Variants in QRICH2 observed in about 807,000 individuals in gnomAD.
QRICH2 encodes the protein glutamine-rich protein 2.
A neutral mutation model predicts 168.3 loss-of-function variants in QRICH2; 119 were observed. The ratio of observed to expected loss-of-function variants is 0.71; its 90% CI spans 0.61 to 0.82. The LOEUF (loss-of-function observed/expected upper bound fraction) is 0.82, where lower values mean the gene tolerates loss of function less well. Among genes scored for constraint, QRICH2 ranks in the 40% least tolerant of loss-of-function variants. The pLI is 0.00. For missense variants in QRICH2, 2,241 were observed against 2,491.6 expected, an observed-to-expected ratio of 0.90 and a Z score of 2.14; for synonymous variants, 894 against 951.2, an observed-to-expected ratio of 0.94 and a Z score of 1.11.
intron 3 of QRICH2, 31 bp from the exon 4 acceptor site, chr17:76,294,052 C>T (rs2071064907): frequency 6.4e-7 from 1 of 1,558,968 alleles, no homozygotes; most frequent in African/African-American, 1.4e-5. Context: ...AAATCAATAA[C>T]AGTCAAAATA....
intron 3 of QRICH2, among the ~76,000 whole-genome samples, chr17:76,299,278 A>T (rs1191302408): frequency 6.6e-6 from 1 of 152,160 alleles, no homozygotes; most frequent in Non-Finnish European, 1.5e-5. Context: ...TTTGAGGGCC[A>T]TTTGAAAATG....
At position 76,284,556 on chromosome 17, in the gene QRICH2, C is replaced by T. The variant is rs1011549503; in HGVS notation, c.4012-2441G>A. Among the ~76,000 whole-genome samples, 22 of 150,764 alleles carry T rather than the reference C, an allele frequency of 1.5e-4. 3 individuals carry two copies. Among genetic ancestry groups the T allele is most frequent in the African/African-American group, 2.7e-4 (11 of 40,158 alleles). ...TATACAGGCCAGGCGTGGTGGCTCA[C>T]GCCTGTAATCCCAGCACTTTGGGAG... On this transcript the variant is annotated intron_variant, in intron 7 of 18. Coordinates refer to ENST00000680821, the MANE Select transcript of QRICH2 (RefSeq NM_001388453.1).
In QRICH2 at chr17:76,292,986, C is replaced by G. The variant is rs1224390917; in HGVS notation, c.1741G>C (p.Val581Leu). The change falls in exon 4 of 19, where the codon GTG (valine) becomes CTG (leucine). Residue 581 changes from valine (V) to leucine (L), a missense_variant. Coordinates refer to ENST00000680821, the MANE Select transcript of QRICH2 (RefSeq NM_001388453.1). Reference sequence around the variant, plus strand: ...CCAGGCTGATATGCACCACGCTGCACCAAAGCACGCTGAAATCTGCCAGAC... The same window carrying G: ...CCAGGCTGATATGCACCACGCTGCAGCAAAGCACGCTGAAATCTGCCAGAC... ...IQSGRFQRAL[V>L]QRGAYQPGLV... is the part of the protein sequence containing the mutation. 6.2e-7 allele frequency: 1 copy of G among 1,614,126 alleles called. No individual in the cohort carries two copies. Among genetic ancestry groups the G allele is most frequent in the African/African-American group, 1.3e-5 (1 of 74,952 alleles).
chr17:76,278,032 C>T lies in QRICH2; in HGVS notation c.5074G>A (p.Glu1692Lys), dbSNP rs376547976. The part of the protein sequence containing the change: ...STKASSQIIR[E>K]LLHAQCLGSP... The stretch of plus-strand genomic sequence containing the variant: ...CCCAGGCACTGGGCGTGCAGCAGCT[C>T]GCGGATTATCTGGCTGCTGGCCTTG... Residue 1692 changes from glutamate to lysine, a missense_variant, in exon 15 of 19, where the codon GAG becomes AAG. Coordinates refer to ENST00000680821, the MANE Select transcript of QRICH2 (RefSeq NM_001388453.1). 81 of 1,613,508 alleles carry T rather than the reference C, an allele frequency of 5.0e-5. No homozygotes were observed. The highest frequency in any genetic ancestry group is 3.3e-4 in the Middle Eastern group (2 of 6,084).
chr17:76,280,409 G>T lies in QRICH2; in HGVS notation c.4504C>A (p.Gln1502Lys). The change falls in exon 11 of 19, where the codon CAG becomes AAG. Residue 1502 changes from glutamine (Q) to lysine (K), a missense_variant. Around this residue, in one of 3 missense-constraint regions of QRICH2, gnomAD observed 2,047 missense variants for 2,303.8 expected, o/e 0.89. Transcript: ENST00000680821. The surrounding 1 kb of genome is among the most constrained non-coding windows in gnomAD (Gnocchi z 7.4). ...AGCTGCTCCGTGGTGGCATCAAACT[G>T]GACACGGCTCACTTTGGTGGCCAGA... ...SALATKVSRV[Q>K]FDATTEQLNH... The T allele has an allele frequency of 6.2e-7, 1 of 1,614,146 alleles. No individual in the cohort carries two copies. Among genetic ancestry groups the T allele is most frequent in the Non-Finnish European group, 8.5e-7 (1 of 1,180,014 alleles).
intron 3 of QRICH2, among the ~76,000 whole-genome samples, chr17:76,303,928 T>C (rs1409048061): frequency 4.0e-5 from 6 of 151,004 alleles, no homozygotes; most frequent in Admixed American, 4.0e-4. Flanking sequence ...ACAGAGGTTT[T>C]ACTTCCAGGG....
rs377593663 is a variant in QRICH2, at chr17:76,307,319, CGCACTGAGGTCTG to C, written c.534+133_534+145del. 2.3e-4 allele frequency: 174 copies of C among 746,880 alleles called. No individual in the cohort carries two copies. In the African/African-American group the frequency reaches 2.6e-3, roughly 11 times the overall value. 46.3% of individuals were successfully genotyped at this position (746,880 alleles called of 1,614,324 possible). A position where few individuals can be genotyped will look rare whatever the true frequency, so the allele number is the denominator to read the frequency against. On this transcript the variant is annotated intron_variant, in intron 1 of 18. Coordinates refer to ENST00000680821, the MANE Select transcript of QRICH2 (RefSeq NM_001388453.1). This position sits in a 1 kb window ranked among gnomAD's most constrained non-coding sequence, Gnocchi z 5.3. ...GCATGGGCCACTCTATTTAGCCAGT[CGCACTGAGGTCTG>C]GCACCTCCTCGGTCCCCATCCCCTC...
chr17:76,292,574 C>T lies in QRICH2; in HGVS notation c.2153G>A (p.Ser718Asn), dbSNP rs375477860. 1 of 1,613,422 alleles carries T rather than the reference C, an allele frequency of 6.2e-7. No individual in the cohort carries two copies. Among genetic ancestry groups the T allele is most frequent in the African/African-American group, 1.3e-5 (1 of 74,698 alleles). Residue 718 changes from serine (S) to asparagine (N), a missense_variant, in exon 4 of 19, where the codon AGT (serine) becomes AAT (asparagine). Transcript: ENST00000680821. Reference sequence around the variant, plus strand: ...AACTGCACCAGGTTGAGCCAAATCACTCTGATCTGCACCAGATTGTACCAA... The same window carrying T: ...AACTGCACCAGGTTGAGCCAAATCATTCTGATCTGCACCAGATTGTACCAA... ...HGLVQSGADQ[S>N]DLAQPGAVQH...
rs774623101 is a variant in QRICH2, at chr17:76,293,614, G to A, written c.1113C>T (p.Asp371=). The A allele has an allele frequency of 1.9e-5, 30 of 1,614,048 alleles. No individual in the cohort carries two copies. The highest frequency in any genetic ancestry group is 2.5e-5 in the Non-Finnish European group (29 of 1,180,034). The change falls in exon 4 of 19, where the codon GAC becomes GAT. Residue 371 remains aspartate, a synonymous_variant. Coordinates refer to ENST00000680821, the MANE Select transcript of QRICH2 (RefSeq NM_001388453.1). The part of the protein sequence containing the change: ...PVQQDLPLAR[D]QPSSVPASQS... ...GGCTAGCGGGCACACTACTGGGCTG[G>A]TCTCTGGCCAAGGGTAAGTCCTGTT...
rs182785410 is a variant in QRICH2 at position 76,276,108 on chromosome 17, C to T, written c.5354-161G>A. On this transcript the variant is annotated intron_variant, in intron 17 of 18. Transcript: ENST00000680821. ...AATTTGTGGCTATGCCCCAGAGAAGCGGTCTTCATTCATTCTCGTGGCCAC... is the reference window on the plus strand; with the variant it reads ...AATTTGTGGCTATGCCCCAGAGAAGTGGTCTTCATTCATTCTCGTGGCCAC... Among the ~76,000 whole-genome samples the T allele has an allele frequency of 4.6e-5, 7 of 151,444 alleles. No homozygotes were observed. In the East Asian group the frequency reaches 7.8e-4, roughly 17 times the overall value.
intron 3 of QRICH2, among the ~76,000 whole-genome samples, chr17:76,297,895 T>TTTTTTTTTTTTTTTTTTA: frequency 1.8e-5 from 2 of 110,910 alleles, no homozygotes; most frequent in Admixed American, 9.3e-5. Flanking sequence ...TTTTTTTTTT[T>TTTTTTTTTTTTTTTTTTA]TGAGACAGAG....
At position 76,307,443 on chromosome 17, in the gene QRICH2, G is replaced by T; in HGVS notation, c.534+22C>A. 6.2e-7 allele frequency: 1 copy of T among 1,612,186 alleles called. No homozygotes were observed. Among genetic ancestry groups the T allele is most frequent in the Non-Finnish European group, 8.5e-7 (1 of 1,178,710 alleles). On this transcript the variant is annotated intron_variant, in intron 1 of 18. Transcript: ENST00000680821. The surrounding 1 kb of genome is among the most constrained non-coding windows in gnomAD (Gnocchi z 5.3). ...CCTGGAGGAGGCAGACGGCCTGCGC[G>T]TGCCTCCGTGTGCGTGCTCACCCTG...
intron 7 of QRICH2, among the ~76,000 whole-genome samples, chr17:76,285,943 C>T (rs542433030): frequency 3.5e-4 from 53 of 152,130 alleles, no homozygotes; most frequent in Admixed American, 1.0e-3. Flanking sequence ...GAGGCCAAGG[C>T]GGGCAGATCA....
rs771545415 is a variant in QRICH2 at position 76,293,586 on chromosome 17, T to G, written c.1141A>C (p.Ser381Arg). 2 of 1,614,194 alleles carry G rather than the reference T, an allele frequency of 1.2e-6. No individual in the cohort carries two copies. Among genetic ancestry groups the G allele is most frequent in the South Asian group, 2.2e-5 (2 of 91,076 alleles). Reference protein sequence around the residue: ...DQPSSVPASQSQVHLRPDRRG... With the variant: ...DQPSSVPASQRQVHLRPDRRG... ...CGATCTGGCCTTAGATGGACCTGAC[T>G]CTGGCTAGCGGGCACACTACTGGGC... Residue 381 changes from serine to arginine, a missense_variant, in exon 4 of 19, where the codon AGT (serine) becomes CGT (arginine). Coordinates refer to ENST00000680821, the MANE Select transcript of QRICH2 (RefSeq NM_001388453.1).
At chr17:76,297,871 T>TTTTTTTTTTG (rs2070824199) in intron 3 of QRICH2, among the ~76,000 whole-genome samples, 2 of 46,226 alleles carry the variant, frequency 4.3e-5, no homozygotes, top group South Asian at 9.5e-4. Context: ...TAGGAATCTG[T>TTTTTTTTTTG]TTTTTTTTTT....
At chr17:76,286,533 T>G (rs530626228) in intron 7 of QRICH2, among the ~76,000 whole-genome samples, 22 of 152,266 alleles carry the variant, frequency 1.4e-4, no homozygotes, top group Admixed American at 5.2e-4. Flanking sequence ...AGTCACAGGG[T>G]TCTTTCTGGG....
At chr17:76,284,934 C>G (rs2070854811) in intron 7 of QRICH2, among the ~76,000 whole-genome samples, 1 of 151,744 alleles carries the variant, frequency 6.6e-6, no homozygotes, top group African/African-American at 2.4e-5. Context: ...TGAGATCCCA[C>G]CTCACACCCA....
rs750705977 is a variant in QRICH2 at position 76,274,175 on chromosome 17, C to G, written c.5568G>C (p.Ala1856=). The change falls in exon 19 of 19, where the codon GCG becomes GCC. Residue 1856 remains alanine (A), a synonymous_variant. Coordinates refer to ENST00000680821, the MANE Select transcript of QRICH2 (RefSeq NM_001388453.1). ...PNTAHPPSSA[A]VANRGLERHV... ...GCCTCTCCAGCCCCCTGTTTGCCAC[C>G]GCGGCGGAGCTGGGCGGGTGGGCTG... 4.4e-6 allele frequency: 7 copies of G among 1,584,122 alleles called. No individual in the cohort carries two copies. The East Asian group carries it at 7.0e-5, about 16-fold the overall frequency.
At position 76,291,959 on chromosome 17, in the gene QRICH2, T is replaced by C; in HGVS notation, c.2768A>G (p.Gln923Arg). The change falls in exon 4 of 19, where the codon CAA becomes CGA. Residue 923 changes from glutamine to arginine, a missense_variant. Gln to Arg is a conservative substitution (Grantham distance 43). Transcript: ENST00000680821. ...QPGIGQQGMV[Q>R]PQADPHGLVQ... ...CAGGCCATGTGGATCTGCCTGAGGT[T>C]GCACCATACCTTGCTGACCTATTCC... 2 of 1,614,062 alleles carry C rather than the reference T, an allele frequency of 1.2e-6. No homozygotes were observed. The highest frequency in any genetic ancestry group is 1.7e-6 in the Non-Finnish European group (2 of 1,180,034).
Sources: allele counts gnomAD v4.1 joint callset (sites outside exome capture counted in the v4.1 genomes callset), GRCh38; gene constraint gnomAD v4.1.1; regional missense constraint gnomAD v4.1.1; non-coding constraint Gnocchi (gnomAD v3.1); transcripts MANE v1.5; gene names NCBI Gene and HGNC (gene_info 2026-07-23, HGNC 2026-07-21).